The following MBNL3 variants were observed in gnomAD, a reference collection of about 807,000 sequenced individuals.
The protein encoded by MBNL3 is muscleblind like splicing regulator 3.
MBNL3 carries 6 observed loss-of-function variants against 24.5 expected under a neutral mutation model. The observed-to-expected ratio is 0.25, with a 90% CI of 0.13 to 0.48. MBNL3 has a LOEUF of 0.48. Ranked by LOEUF, MBNL3 falls within the 20% of genes least tolerant of loss-of-function variation. The pLI is 0.99. For synonymous variants in MBNL3, 100 were observed against 101.7 expected, an observed-to-expected ratio of 0.98 and a Z score of 0.10; for missense variants, 230 against 293.5, an observed-to-expected ratio of 0.78 and a Z score of 1.58.
intron 1 of MBNL3, among the ~76,000 whole-genome samples, chrX:132,455,783 C>T (rs1174261870): frequency 8.9e-6 from 1 of 111,782 alleles, no homozygotes; most frequent in African/African-American, 3.3e-5. Flanking sequence ...TACTGAAAAC[C>T]AGAAGGACAT....
intron 2 of MBNL3, among the ~76,000 whole-genome samples, chrX:132,415,187 G>A (rs768531847): frequency 8.1e-5 from 9 of 111,739 alleles, no homozygotes; most frequent in East Asian, 5.6e-4. Flanking sequence ...GTGAGTTTTC[G>A]CTGTACTGAA....
chrX:132,459,472 G>A (rs1483006388), intron 1 of MBNL3, among the ~76,000 whole-genome samples: 1 of 111,288 alleles, frequency 9.0e-6, no homozygotes, highest in African/African-American at 3.3e-5. Context: ...CTTATTCTGC[G>A]AGAGCCAGCT....
At chrX:132,426,482 T>C (rs761887935) in intron 2 of MBNL3, among the ~76,000 whole-genome samples, 5 of 111,795 alleles carry the variant, frequency 4.5e-5, no homozygotes, top group Non-Finnish European at 9.4e-5. Flanking sequence ...AGTCTCTTTT[T>C]TTCTGTCATT....
At position 132,390,834 on chromosome X, in the gene MBNL3, G is replaced by A; in HGVS notation, c.771+13C>T. On this transcript the variant is annotated intron_variant, in intron 5 of 8. Coordinates refer to ENST00000370853, the MANE Select transcript of MBNL3 (RefSeq NM_001386889.1). ...TACTCTGAAACAGGCCACAAGTGCA[G>A]GCCTTTTCTTACCATGGCAGAGGCA... 3 of 1,188,689 alleles carry A rather than the reference G, an allele frequency of 2.5e-6. No homozygotes were observed. The highest frequency in any genetic ancestry group is 3.4e-6 in the Non-Finnish European group (3 of 875,049).
intron 2 of MBNL3, chrX:132,431,294 T>C (rs1213592216): frequency 3.6e-5 from 4 of 112,203 alleles, no homozygotes; most frequent in Non-Finnish European, 7.5e-5. Flanking sequence ...ATTTATTAAT[T>C]GGAATTCTTC....
At chrX:132,470,034 T>C (rs1947095340) in intron 1 of MBNL3, among the ~76,000 whole-genome samples, 1 of 112,150 alleles carries the variant, frequency 8.9e-6, no homozygotes, top group Non-Finnish European at 1.9e-5. Flanking sequence ...TGTTGTAGCA[T>C]GTATTCCATT....
At chrX:132,453,418 C>T (rs1253869899) in intron 1 of MBNL3, among the ~76,000 whole-genome samples, 2 of 111,556 alleles carry the variant, frequency 1.8e-5, no homozygotes, top group African/African-American at 6.5e-5. Flanking sequence ...TTCTCTACTT[C>T]ACAGGCTCCG....
chrX:132,477,852 T>C (rs981497885), intron 1 of MBNL3, among the ~76,000 whole-genome samples: 2 of 111,905 alleles, frequency 1.8e-5, no homozygotes, highest in South Asian at 7.5e-4. Flanking sequence ...CCATTAATAT[T>C]TTAGGTATAT....
chrX:132,465,231 G>A (rs967586600), intron 1 of MBNL3, among the ~76,000 whole-genome samples: 10 of 111,512 alleles, frequency 9.0e-5, no homozygotes, highest in Admixed American at 8.6e-4. Flanking sequence ...AAACTCTAGG[G>A]CACATCTTGT....
rs934415444 is a variant in MBNL3, at chrX:132,440,246, G to A, written c.-635C>T. On this transcript the variant is annotated 5_prime_UTR_variant, in exon 2 of 9. Transcript: ENST00000370853. ...AGGGAACGGTATGGTAGGGAGAGGG[G>A]TTTATAAAGAGACAGCTCTAGAGTA... Among the ~76,000 whole-genome samples, 1 of 110,664 alleles carries A rather than the reference G, an allele frequency of 9.0e-6. No homozygotes were observed. Among genetic ancestry groups the A allele is most frequent in the Middle Eastern group, 4.7e-3 (1 of 215 alleles).
At chrX:132,439,412 A>C (rs770339235) in intron 2 of MBNL3, 23 bp downstream of exon 2, 11 of 1,116,170 alleles carry the variant, frequency 9.9e-6, no homozygotes, top group African/African-American at 1.9e-5. Flanking sequence ...AATTTAAATT[A>C]TGTGCATTCA....
chrX:132,396,578 TC>T (rs1480751472), intron 3 of MBNL3, among the ~76,000 whole-genome samples: 10 of 57,474 alleles, frequency 1.7e-4, no homozygotes, highest in Non-Finnish European at 2.6e-4. Context: ...CTATATATAT[TC>T]CTATATATAT....
chrX:132,381,626 C>T (rs1934975764), intron 8 of MBNL3, among the ~76,000 whole-genome samples: 1 of 111,488 alleles, frequency 9.0e-6, no homozygotes, highest in Admixed American at 9.6e-5. Context: ...TATAATCTGC[C>T]TTGTGAACTC....
chrX:132,413,736 C>G (rs1470714589), intron 2 of MBNL3: 1 of 538,851 alleles, frequency 1.9e-6, no homozygotes, highest in Non-Finnish European at 2.7e-6. Flanking sequence ...ATTTAAATAC[C>G]CTCGATGTCT....
intron 1 of MBNL3, among the ~76,000 whole-genome samples, chrX:132,471,023 C>G (rs991476031): frequency 9.0e-6 from 1 of 111,194 alleles, no homozygotes; most frequent in Non-Finnish European, 1.9e-5. Context: ...CTCTCTGAGC[C>G]CCATGTTCCC....
chrX:132,483,992 T>A (rs1441622), intron 1 of MBNL3, among the ~76,000 whole-genome samples: 19,712 of 110,991 alleles, frequency 0.18, 1,440 homozygotes, highest in East Asian at 0.41. Flanking sequence ...ATTTTTTTTT[T>A]AAATTTTTAA....
chrX:132,394,772 T>G (rs1937735708), intron 3 of MBNL3, among the ~76,000 whole-genome samples: 1 of 112,294 alleles, frequency 8.9e-6, no homozygotes, highest in South Asian at 3.6e-4. Flanking sequence ...ATTTTTTTCT[T>G]TTCTTTTTTG....
chrX:132,456,586 T>G (rs1238428649), intron 1 of MBNL3, among the ~76,000 whole-genome samples: 2 of 112,312 alleles, frequency 1.8e-5, no homozygotes, highest in Non-Finnish European at 3.8e-5. Context: ...GTACATACTT[T>G]TAAAGGGCAA....
intron 1 of MBNL3, among the ~76,000 whole-genome samples, chrX:132,477,746 T>C (rs1278418226): frequency 8.9e-6 from 1 of 112,041 alleles, no homozygotes; most frequent in Non-Finnish European, 1.9e-5. Flanking sequence ...GAGTGAATCT[T>C]ATGTTTTCCT....
Sources: allele counts gnomAD v4.1 joint callset (sites outside exome capture counted in the v4.1 genomes callset), GRCh38; gene constraint gnomAD v4.1.1; transcripts MANE v1.5; gene names NCBI Gene and HGNC (gene_info 2026-07-23, HGNC 2026-07-21).